Variants in DOCK4 observed in about 807,000 individuals in gnomAD.
The protein encoded by DOCK4 is dedicator of cytokinesis protein 4.
Under a neutral mutation model 268.1 loss-of-function variants are expected in DOCK4, and 97 were observed. The observed-to-expected ratio is 0.36, with a 90% CI of 0.31 to 0.43. DOCK4 has a LOEUF of 0.43. DOCK4 is among the 20% of genes least tolerant of loss of function. The probability of loss-of-function intolerance (pLI) is 1.00; values close to 1 mark genes in which losing one functional copy is unlikely to be tolerated. For synonymous variants in DOCK4, 954 were observed against 887.2 expected (o/e 1.08, Z -1.34); for missense variants, 2,145 against 2,455.7 (o/e 0.87, Z 2.67).
chr7:111,861,677 C>T (rs1028475302), intron 23 of DOCK4, among the ~76,000 whole-genome samples: 2 of 149,072 alleles, frequency 1.3e-5, no homozygotes, highest in African/African-American at 5.0e-5. Context: ...ACCCAGGAGA[C>T]GGTAGTTGCA....
intron 1 of DOCK4, among the ~76,000 whole-genome samples, chr7:112,135,294 T>A (rs1460858780): frequency 6.6e-6 from 1 of 152,170 alleles, no homozygotes; most frequent in Non-Finnish European, 1.5e-5. Context: ...AGCTTTTCAT[T>A]AATATATTTA....
In DOCK4 at chr7:112,066,676, CATATAT is replaced by C. The variant is rs202049412; in HGVS notation, c.38-62551_38-62546del. On this transcript the variant is annotated intron_variant, in intron 1 of 52. Transcript: ENST00000428084. ...TACACATATTATACATATACATATA[CATATAT>C]ACATATACATATATATATATATATA... Among the ~76,000 whole-genome samples, 15 of 52,086 alleles carry C rather than the reference CATATAT, an allele frequency of 2.9e-4. 1 individual carries two copies. The highest frequency in any genetic ancestry group is 4.2e-4 in the Non-Finnish European group (14 of 33,398). 34.2% of individuals were successfully genotyped at this position (52,086 alleles called of 152,430 possible).
intron 13 of DOCK4, among the ~76,000 whole-genome samples, chr7:111,912,921 T>G (rs182619959): frequency 6.2e-4 from 94 of 152,218 alleles, no homozygotes; most frequent in Admixed American, 2.8e-3. Context: ...AATTATGACT[T>G]TCACAGAATT....
At chr7:112,172,013 C>A (rs1818129287) in intron 1 of DOCK4, among the ~76,000 whole-genome samples, 1 of 152,166 alleles carries the variant, frequency 6.6e-6, no homozygotes, top group Non-Finnish European at 1.5e-5. Flanking sequence ...CTTATACAGA[C>A]CCAGTCAGAA....
chr7:112,032,739 C>CT (rs1297531099), intron 1 of DOCK4, among the ~76,000 whole-genome samples: 2 of 152,074 alleles, frequency 1.3e-5, no homozygotes, highest in African/African-American at 2.4e-5. Context: ...CCCAAAGCCC[C>CT]ACACTTGCCT....
chr7:112,093,731 A>C (rs2135773462), intron 1 of DOCK4, among the ~76,000 whole-genome samples: 1 of 152,348 alleles, frequency 6.6e-6, no homozygotes, highest in Non-Finnish European at 1.5e-5. Flanking sequence ...CTAGTTTTTA[A>C]GGAAGAGAAC....
chr7:111,821,939 C>T (rs995310593), intron 27 of DOCK4, among the ~76,000 whole-genome samples: 2 of 152,154 alleles, frequency 1.3e-5, no homozygotes, highest in Non-Finnish European at 2.9e-5. Context: ...TATTATTCAG[C>T]TGTAAAGGAA....
At chr7:112,125,242 C>A (rs758045108) in intron 1 of DOCK4, among the ~76,000 whole-genome samples, 40 of 152,176 alleles carry the variant, frequency 2.6e-4, no homozygotes, top group Non-Finnish European at 5.1e-4. Flanking sequence ...ATGCTCCCCC[C>A]CTGCCCCATC....
At chr7:111,918,656 C>A (rs981623395) in intron 12 of DOCK4, among the ~76,000 whole-genome samples, 4 of 152,194 alleles carry the variant, frequency 2.6e-5, no homozygotes, top group Admixed American at 2.6e-4. Context: ...GTTCTCCTCC[C>A]ACTTCTGTCC....
At position 111,912,899 on chromosome 7, in the gene DOCK4, A is replaced by C. The variant is rs77954120; in HGVS notation, c.1192+2880T>G. Among the ~76,000 whole-genome samples the C allele has an allele frequency of 0.022, 3,332 of 151,914 alleles. 262 individuals carry two copies. The East Asian group carries it at 0.3, about 14-fold the overall frequency. ...AAACTTCAAAAGTTTTTAAAAGGCT[A>C]TTCTCTCACAAAATTATGACTTTCA... On this transcript the variant is annotated intron_variant, in intron 13 of 52. Transcript: ENST00000428084.
chr7:111,772,332 A>G (rs1798171624), intron 36 of DOCK4, among the ~76,000 whole-genome samples: 1 of 152,120 alleles, frequency 6.6e-6, no homozygotes, highest in South Asian at 2.1e-4. Flanking sequence ...GGATCATGTG[A>G]GTTCAAGACC....
intron 1 of DOCK4, among the ~76,000 whole-genome samples, chr7:112,157,277 A>G (rs913993120): frequency 6.6e-6 from 1 of 152,144 alleles, no homozygotes; most frequent in Non-Finnish European, 1.5e-5. Context: ...AAGCAATGAG[A>G]GTAATTACAG....
intron 8 of DOCK4, among the ~76,000 whole-genome samples, chr7:111,952,825 G>A (rs1448575911): frequency 6.6e-6 from 1 of 152,036 alleles, no homozygotes; most frequent in Admixed American, 6.6e-5. Context: ...AAACTAATTG[G>A]AAAAACAACT....
intron 1 of DOCK4, among the ~76,000 whole-genome samples, chr7:112,141,742 T>C (rs1814953764): frequency 6.6e-6 from 1 of 152,306 alleles, no homozygotes; most frequent in Non-Finnish European, 1.5e-5. Context: ...TGGCAGGTAA[T>C]GTCACTGGTG....
At chr7:111,936,307 T>C (rs1794730885) in intron 11 of DOCK4, among the ~76,000 whole-genome samples, 1 of 152,214 alleles carries the variant, frequency 6.6e-6, no homozygotes, top group Non-Finnish European at 1.5e-5. Flanking sequence ...TTCACAGCAA[T>C]CTGTACCTCT....
intron 12 of DOCK4, among the ~76,000 whole-genome samples, chr7:111,917,870 A>G (rs1341527703): frequency 1.3e-5 from 2 of 152,204 alleles, no homozygotes; most frequent in Non-Finnish European, 2.9e-5. Flanking sequence ...CAGTATGATA[A>G]TGCTGTATAA....
chr7:112,057,790 T>G (rs971334049), intron 1 of DOCK4, among the ~76,000 whole-genome samples: 6 of 151,332 alleles, frequency 4.0e-5, no homozygotes, highest in Non-Finnish European at 8.8e-5. Context: ...AATAAATATA[T>G]AAAAATAATA....
intron 1 of DOCK4, among the ~76,000 whole-genome samples, chr7:112,093,202 T>C (rs1809797933): frequency 6.6e-6 from 1 of 152,114 alleles, no homozygotes. Flanking sequence ...TGCTTCATGA[T>C]CACCTGATCA....
intron 1 of DOCK4, among the ~76,000 whole-genome samples, chr7:112,182,295 C>T (rs1030092610): frequency 1.2e-4 from 19 of 152,096 alleles, no homozygotes; most frequent in African/African-American, 3.1e-4. Flanking sequence ...TTTTGAAATA[C>T]ATTAATTTTT....
Sources: gnomAD v4.1 joint callset for allele counts (sites outside exome capture counted in the v4.1 genomes callset) on GRCh38, gnomAD v4.1.1 for gene constraint, MANE v1.5 for transcripts, NCBI Gene and HGNC (gene_info 2026-07-23, HGNC 2026-07-21) for gene names.